IL1RAPL2: variants seen among roughly 807,000 people sequenced by gnomAD.
The protein encoded by IL1RAPL2 is interleukin 1 receptor accessory protein like 2, also known as X-linked interleukin-1 receptor accessory protein-like 2.
A neutral mutation model predicts 44.1 loss-of-function variants in IL1RAPL2; 3 were observed. That is an observed-to-expected ratio of 0.07 (90% CI 0.03 to 0.18). The LOEUF is 0.18. IL1RAPL2 is among the 10% of genes least tolerant of loss of function. The pLI is 1.00. For synonymous variants in IL1RAPL2, 181 were observed against 178.8 expected (o/e 1.01, Z -0.10); for missense variants, 391 against 496.4 (o/e 0.79, Z 2.02).
At chrX:105,761,163 A>G (rs2038683316) in intron 10 of IL1RAPL2, among the ~76,000 whole-genome samples, 1 of 101,317 alleles carries the variant, frequency 9.9e-6, no homozygotes, top group African/African-American at 3.6e-5. Context: ...TGGGCAACAG[A>G]GCGAGACTCC....
intron 6 of IL1RAPL2, among the ~76,000 whole-genome samples, chrX:105,570,218 T>C (rs1290372969): frequency 9.0e-6 from 1 of 111,603 alleles, no homozygotes; most frequent in Non-Finnish European, 1.9e-5. Flanking sequence ...ACATACAATG[T>C]TTGCTTTTCC....
chrX:105,015,782 G>A (rs1399179812), intron 2 of IL1RAPL2, among the ~76,000 whole-genome samples: 2 of 111,712 alleles, frequency 1.8e-5, no homozygotes, highest in Non-Finnish European at 3.8e-5. Context: ...GCTTAGGATT[G>A]TCTTGGCTAT....
intron 6 of IL1RAPL2, among the ~76,000 whole-genome samples, chrX:105,555,076 G>GT (rs762609819): frequency 0.045 from 3,709 of 82,956 alleles, 78 homozygotes; most frequent in African/African-American, 0.067. Context: ...TCTGGTAGTT[G>GT]TTTTTTTTTT....
chrX:104,582,194 A>C (rs1271559785), intron 1 of IL1RAPL2, among the ~76,000 whole-genome samples: 3 of 112,323 alleles, frequency 2.7e-5, no homozygotes, highest in African/African-American at 9.7e-5. Context: ...GGCCAAGAGC[A>C]GTCACACCAG....
At chrX:105,289,155 G>C (rs1569418929) in intron 5 of IL1RAPL2, among the ~76,000 whole-genome samples, 1 of 111,256 alleles carries the variant, frequency 9.0e-6, no homozygotes, top group Non-Finnish European at 1.9e-5. Flanking sequence ...ATGTAGACCA[G>C]AGTTCAGACT....
intron 6 of IL1RAPL2, among the ~76,000 whole-genome samples, chrX:105,545,920 A>G (rs1602460978): frequency 9.0e-6 from 1 of 111,581 alleles, no homozygotes; most frequent in East Asian, 2.8e-4. Context: ...TTGGGCCTCC[A>G]TTCCAGAGTT....
At chrX:104,927,804 C>T (rs940146933) in intron 2 of IL1RAPL2, among the ~76,000 whole-genome samples, 3 of 111,368 alleles carry the variant, frequency 2.7e-5, no homozygotes, top group Admixed American at 1.9e-4. Flanking sequence ...GTATGAATGG[C>T]GTTTTGTTTT....
In IL1RAPL2 at chrX:105,457,625, C is replaced by T. The variant is rs190401666; in HGVS notation, c.698-26688C>T. On this transcript the variant is annotated intron_variant, in intron 5 of 10. Transcript: ENST00000372582. ...TGAAAAATATTCTATTGTGTATATG[C>T]ATGTATATATATGTATGTTTTATAT... Among the ~76,000 whole-genome samples, 604 of 107,846 alleles carry T rather than the reference C, an allele frequency of 5.6e-3. 2 individuals carry two copies. Among genetic ancestry groups the T allele is most frequent in the Middle Eastern group, 0.015 (3 of 203 alleles). The allele number at this position is 107,846 out of a possible 115,157, so 93.7% of individuals were successfully genotyped here.
At chrX:105,305,762 T>C (rs1333136065) in intron 5 of IL1RAPL2, among the ~76,000 whole-genome samples, 4 of 111,662 alleles carry the variant, frequency 3.6e-5, no homozygotes, top group Non-Finnish European at 7.5e-5. Flanking sequence ...ATAATTTAAT[T>C]TATAAAATTT....
intron 5 of IL1RAPL2, among the ~76,000 whole-genome samples, chrX:105,377,370 C>CTGTGTG (rs750610467): frequency 4.0e-4 from 40 of 99,160 alleles, no homozygotes; most frequent in African/African-American, 1.3e-3. Context: ...GTGTGTGTGT[C>CTGTGTG]TGTGTGTGTG....
intron 2 of IL1RAPL2, among the ~76,000 whole-genome samples, chrX:105,039,646 T>C (rs1055126809): frequency 9.0e-6 from 1 of 111,555 alleles, no homozygotes; most frequent in Non-Finnish European, 1.9e-5. Context: ...TTTGAAGCAA[T>C]TGTGAATGGG....
intron 2 of IL1RAPL2, among the ~76,000 whole-genome samples, chrX:105,081,898 G>A (rs1461557549): frequency 2.7e-5 from 3 of 111,868 alleles, no homozygotes; most frequent in Admixed American, 9.5e-5. Context: ...GAGGATTTTC[G>A]CATCAAAGTT....
intron 5 of IL1RAPL2, among the ~76,000 whole-genome samples, chrX:105,422,782 G>C (rs941935988): frequency 6.3e-5 from 7 of 110,685 alleles, no homozygotes; most frequent in South Asian, 3.8e-4. Context: ...TGATATTCAT[G>C]AACATTTCAG....
chrX:105,313,280 A>T (rs1285180340), intron 5 of IL1RAPL2, among the ~76,000 whole-genome samples: 1 of 112,059 alleles, frequency 8.9e-6, no homozygotes, highest in Non-Finnish European at 1.9e-5. Context: ...AGTTAGGGTT[A>T]TTACTGATGT....
At chrX:104,740,544 A>T (rs773266374) in intron 2 of IL1RAPL2, among the ~76,000 whole-genome samples, 1 of 110,838 alleles carries the variant, frequency 9.0e-6, no homozygotes, top group South Asian at 3.8e-4. Context: ...GAGAAAATGA[A>T]GTCTGTGATA....
chrX:105,731,638 G>T (rs892775008), intron 7 of IL1RAPL2, among the ~76,000 whole-genome samples: 5 of 111,281 alleles, frequency 4.5e-5, no homozygotes, highest in Non-Finnish European at 9.4e-5. Flanking sequence ...GCCATAAAAA[G>T]AATGAAATTA....
chrX:105,463,409 T>C (rs2036105905), intron 5 of IL1RAPL2, among the ~76,000 whole-genome samples: 1 of 111,551 alleles, frequency 9.0e-6, no homozygotes, highest in South Asian at 3.7e-4. Flanking sequence ...GAGGTGCTAA[T>C]AGTTAGAGTT....
intron 2 of IL1RAPL2, among the ~76,000 whole-genome samples, chrX:105,136,460 G>T (rs2033077631): frequency 8.9e-6 from 1 of 112,464 alleles, no homozygotes; most frequent in Non-Finnish European, 1.9e-5. Flanking sequence ...TTTGCTATGT[G>T]CAGTGCACAA....
At chrX:105,201,503 G>A (rs781881065) in intron 3 of IL1RAPL2, among the ~76,000 whole-genome samples, 1 of 111,677 alleles carries the variant, frequency 9.0e-6, no homozygotes, top group African/African-American at 3.3e-5. Flanking sequence ...TAAATACCTA[G>A]GTATCATATA....
Sources: allele counts gnomAD v4.1 joint callset (sites outside exome capture counted in the v4.1 genomes callset), GRCh38; gene constraint gnomAD v4.1.1; transcripts MANE v1.5; gene names NCBI Gene and HGNC (gene_info 2026-07-23, HGNC 2026-07-21).